The following CLEC16A variants were observed in gnomAD, a reference collection of about 807,000 sequenced individuals.
CLEC16A encodes C-type lectin domain containing 16A.
Under a neutral mutation model 109.5 loss-of-function variants are expected in CLEC16A, and 51 were observed. The observed-to-expected ratio is 0.47, with a 90% CI of 0.37 to 0.59. CLEC16A has a LOEUF of 0.59. Among genes scored for constraint, CLEC16A ranks in the 20% least tolerant of loss-of-function variants. The pLI, the probability that CLEC16A is intolerant of heterozygous loss-of-function variation, is 0.00. For missense variants in CLEC16A, 1,339 were observed against 1,394.0 expected, an observed-to-expected ratio of 0.96 and a Z score of 0.63; for synonymous variants, 673 against 564.2, an observed-to-expected ratio of 1.19 and a Z score of -2.73.
chr16:11,045,254 G>C (rs1466547639), intron 16 of CLEC16A, among the ~76,000 whole-genome samples: 2 of 152,128 alleles, frequency 1.3e-5, no homozygotes, highest in Admixed American at 1.3e-4. Flanking sequence ...AGGCTGAGGT[G>C]GGAGGATGGC....
intron 10 of CLEC16A, among the ~76,000 whole-genome samples, chr16:10,996,657 T>G (rs2044348476): frequency 6.6e-6 from 1 of 152,176 alleles, no homozygotes; most frequent in Non-Finnish European, 1.5e-5. Flanking sequence ...ATCACTCTTG[T>G]GTGAACCTCT....
chr16:11,138,829 C>G (rs1313195690), intron 22 of CLEC16A, among the ~76,000 whole-genome samples: 2 of 152,074 alleles, frequency 1.3e-5, no homozygotes, highest in Non-Finnish European at 2.9e-5. Context: ...TGAGCCAGTC[C>G]CCTACTGATG....
At chr16:11,147,581 G>A (rs1460735338) in intron 22 of CLEC16A, among the ~76,000 whole-genome samples, 1 of 152,212 alleles carries the variant, frequency 6.6e-6, no homozygotes, top group Non-Finnish European at 1.5e-5. Flanking sequence ...GGTAGGGGAT[G>A]AAAATGTTCT....
intron 18 of CLEC16A, among the ~76,000 whole-genome samples, chr16:11,053,948 T>C (rs1253997621): frequency 6.6e-6 from 1 of 152,208 alleles, no homozygotes; most frequent in Non-Finnish European, 1.5e-5. Context: ...CTCAGGCCAT[T>C]ATTCAAGCAG....
intron 18 of CLEC16A, among the ~76,000 whole-genome samples, chr16:11,052,918 C>G (rs1597217034): frequency 6.6e-6 from 1 of 152,148 alleles, no homozygotes; most frequent in South Asian, 2.1e-4. Flanking sequence ...GTTTTGGAGG[C>G]TGCAGTGAGC....
intron 13 of CLEC16A, chr16:11,036,072 T>A (rs927180934): frequency 6.6e-6 from 1 of 152,622 alleles, no homozygotes; most frequent in Non-Finnish European, 1.5e-5. Flanking sequence ...CTACCTCACA[T>A]GGACTGCATG....
chr16:11,049,632 G>A (rs1044113622), intron 17 of CLEC16A, among the ~76,000 whole-genome samples: 1 of 152,238 alleles, frequency 6.6e-6, no homozygotes, highest in Non-Finnish European at 1.5e-5. Context: ...CTGAGTGGAA[G>A]GGGGTGGGGA....
At chr16:10,990,772 TG>T (rs1052710146) in intron 10 of CLEC16A, among the ~76,000 whole-genome samples, 8 of 152,232 alleles carry the variant, frequency 5.3e-5, no homozygotes, top group African/African-American at 1.7e-4. Context: ...CTGATTGCGT[TG>T]GGCCATTGGT....
intron 10 of CLEC16A, among the ~76,000 whole-genome samples, chr16:11,001,908 T>G (rs533463401): frequency 1.3e-5 from 2 of 152,334 alleles, no homozygotes; most frequent in African/African-American, 4.8e-5. Context: ...GAGCCAGAAT[T>G]TGACAACACC....
At chr16:11,063,051 A>G (rs2048571358) in intron 19 of CLEC16A, among the ~76,000 whole-genome samples, 1 of 152,198 alleles carries the variant, frequency 6.6e-6, no homozygotes, top group Non-Finnish European at 1.5e-5. Context: ...TTTTTCACTT[A>G]TCAATTTTAA....
At chr16:10,944,917 T>A (rs1596676460) in intron 1 of CLEC16A, 120 bp downstream of exon 1, 5 of 980,116 alleles carry the variant, frequency 5.1e-6, no homozygotes, top group Non-Finnish European at 7.6e-6. Flanking sequence ...GGGAAGCCCG[T>A]GTGGTGGTTA....
chr16:10,953,927 A>T (rs1343331758), intron 1 of CLEC16A, among the ~76,000 whole-genome samples: 1 of 151,676 alleles, frequency 6.6e-6, no homozygotes, highest in Non-Finnish European at 1.5e-5. Context: ...CAGTGAGTGG[A>T]GATCGCACCA....
At chr16:11,017,993 A>T (rs1429193668) in intron 11 of CLEC16A, among the ~76,000 whole-genome samples, 1 of 126,030 alleles carries the variant, frequency 7.9e-6, no homozygotes, top group Non-Finnish European at 1.7e-5. Flanking sequence ...ATTTTTAAAG[A>T]GGTATTAAAA....
At chr16:11,056,965 T>G (rs1210618384) in intron 18 of CLEC16A, 1 of 152,238 alleles carries the variant, frequency 6.6e-6, no homozygotes, top group Non-Finnish European at 1.5e-5. Context: ...TCATCTGGCA[T>G]TTTCTTGCAA....
chr16:10,980,145 C>T (rs1021553218), intron 9 of CLEC16A, among the ~76,000 whole-genome samples: 2 of 152,216 alleles, frequency 1.3e-5, no homozygotes, highest in African/African-American at 4.8e-5. Flanking sequence ...AACTGTCCTT[C>T]TGACTTGATC....
chr16:11,142,994 A>G (rs2053907467), intron 22 of CLEC16A, among the ~76,000 whole-genome samples: 1 of 152,196 alleles, frequency 6.6e-6, no homozygotes, highest in African/African-American at 2.4e-5. Context: ...TATTTTTAGT[A>G]GAAATGGAGT....
In CLEC16A at chr16:11,178,321, C is replaced by G. The variant is rs1267760646; in HGVS notation, c.2807-14C>G. 1 of 1,590,596 alleles carries G rather than the reference C, an allele frequency of 6.3e-7. No individual in the cohort carries two copies. Among genetic ancestry groups the G allele is most frequent in the African/African-American group, 1.3e-5 (1 of 74,520 alleles). On this transcript the variant is annotated splice_polypyrimidine_tract_variant and intron_variant, in intron 23 of 23. Transcript: ENST00000409790. The surrounding 1 kb of genome is among the most constrained non-coding windows in gnomAD (Gnocchi z 6.5). Reference sequence around the variant, plus strand: ...AGGGCTCAGTGTGTTTCCGGTTTTTCTCCCCCAATCCAGATGCCCCCATGA... The same window carrying G: ...AGGGCTCAGTGTGTTTCCGGTTTTTGTCCCCCAATCCAGATGCCCCCATGA...
At chr16:11,143,071 C>G (rs186397019) in intron 22 of CLEC16A, among the ~76,000 whole-genome samples, 1 of 152,322 alleles carries the variant, frequency 6.6e-6, no homozygotes, top group East Asian at 1.9e-4. Flanking sequence ...CTTGGCCTCC[C>G]AAAGTGCAGG....
intron 22 of CLEC16A, chr16:11,150,422 C>T (rs543638363): frequency 6.6e-6 from 1 of 152,380 alleles, no homozygotes; most frequent in South Asian, 2.1e-4. Flanking sequence ...TATTCCAAAG[C>T]TTGGCTACTT....
Sources: gnomAD v4.1 joint callset for allele counts (sites outside exome capture counted in the v4.1 genomes callset) on GRCh38, gnomAD v4.1.1 for gene constraint, Gnocchi (gnomAD v3.1) non-coding constraint, MANE v1.5 for transcripts, NCBI Gene and HGNC (gene_info 2026-07-23, HGNC 2026-07-21) for gene names.